Variants in DNAAF4 observed in about 807,000 individuals in gnomAD.
DNAAF4 encodes dynein axonemal assembly factor 4.
A neutral mutation model predicts 51.8 loss-of-function variants in DNAAF4; 43 were observed. The ratio of observed to expected loss-of-function variants is 0.83; its 90% confidence interval spans 0.65 to 1.07. DNAAF4 has a LOEUF of 1.07. DNAAF4 is among the 50% of genes least tolerant of loss of function. DNAAF4 has a pLI of 0.00. For synonymous variants in DNAAF4, 194 were observed against 165.6 expected (o/e 1.17, Z -1.32); for missense variants, 581 against 493.0 (o/e 1.18, Z -1.69).
chr15:55,490,956 G>GAAA, intron 4 of DNAAF4, 167 bp downstream of exon 4: 20 of 607,744 alleles, frequency 3.3e-5, no homozygotes, highest in South Asian at 1.0e-4. Context: ...TCGGTCTCAA[G>GAAA]AAAAAAAAAA....
rs1307848277 is a variant in DNAAF4, at chr15:55,447,035, G to A, written c.783+3187C>T. Among the ~76,000 whole-genome samples the A allele has an allele frequency of 5.2e-4, 76 of 146,670 alleles. 1 individual carries two copies. Among genetic ancestry groups the A allele is most frequent in the East Asian group, 4.1e-4 (2 of 4,848 alleles). On this transcript the variant is annotated intron_variant, in intron 6 of 9. Coordinates refer to ENST00000321149, the MANE Select transcript of DNAAF4 (RefSeq NM_130810.4). ...TCTCCACTTCCCAGACGGGGCAGCC[G>A]GGCAGAGGCGCTCCTCACTTCCCAG...
chr15:55,417,930 T>C, exon 8 of DNAAF4: 1 of 528,482 alleles, frequency 1.9e-6, no homozygotes, highest in Non-Finnish European at 3.3e-6. Context: ...CACAAGGTGC[T>C]CAGTGGGGGA....
At position 55,478,382 on chromosome 15, in the gene DNAAF4, G is replaced by T. The variant is rs78473347; in HGVS notation, c.406-11221C>A. 1.2e-3 allele frequency among the ~76,000 whole-genome samples: 179 copies of T among 152,286 alleles called. 2 individuals are homozygous for T. Among genetic ancestry groups the T allele is most frequent in the Non-Finnish European group, 2.5e-4 (17 of 68,028 alleles). ...ATTTTATGGTTAAAATAGGGGCACT[G>T]CTACAATTTAAGCACTGCCTGGGTG... On this transcript the variant is annotated intron_variant, in intron 4 of 9. Transcript: ENST00000321149.
At chr15:55,436,611 C>T (rs1227972626) in intron 7 of DNAAF4, among the ~76,000 whole-genome samples, 1 of 152,152 alleles carries the variant, frequency 6.6e-6, no homozygotes, top group African/African-American at 2.4e-5. Context: ...TCTCAAACTC[C>T]TGGCCTCAGG....
chr15:55,430,657 C>T lies in DNAAF4; in HGVS notation c.*13G>A. ...AAAAACTTATAACAATACTTAGTTA[C>T]TTCTAATAGTCATTAAGATTTTAGT... On this transcript the variant is annotated 3_prime_UTR_variant, in exon 10 of 10. Transcript: ENST00000321149. 1 of 1,609,438 alleles carries T rather than the reference C, an allele frequency of 6.2e-7. No homozygotes were observed. The highest frequency in any genetic ancestry group is 1.3e-5 in the African/African-American group (1 of 74,894).
chr15:55,463,172 T>A (rs61358227), intron 5 of DNAAF4, among the ~76,000 whole-genome samples: 34,512 of 140,348 alleles, frequency 0.25, 4,895 homozygotes, highest in African/African-American at 0.43. Flanking sequence ...AGACTCTGTC[T>A]CACACACACA....
In DNAAF4 at chr15:55,432,368, A is replaced by G. The variant is rs2057510112; in HGVS notation, c.1153+129T>C. On this transcript the variant is annotated intron_variant, in intron 9 of 9. Coordinates refer to ENST00000321149, the MANE Select transcript of DNAAF4 (RefSeq NM_130810.4). ...TATTGTCAGATATACTGCAGACATT[A>G]CTAAGAATAAATTAAATGCTAAAAA... 5 of 611,202 alleles carry G rather than the reference A, an allele frequency of 8.2e-6. No individual in the cohort carries two copies. The African/African-American group carries it at 9.2e-5, about 11-fold the overall frequency. 37.9% of individuals were successfully genotyped at this position (611,202 alleles called of 1,614,324 possible).
intron 4 of DNAAF4, among the ~76,000 whole-genome samples, chr15:55,475,247 T>C (rs1440604867): frequency 6.6e-6 from 1 of 152,156 alleles, no homozygotes; most frequent in African/African-American, 2.4e-5. Context: ...TGTGGCAACA[T>C]GAAGAGGTTG....
intron 6 of DNAAF4, among the ~76,000 whole-genome samples, chr15:55,447,445 A>G (rs1222189681): frequency 6.6e-6 from 1 of 151,876 alleles, no homozygotes; most frequent in African/African-American, 2.4e-5. Flanking sequence ...TGGAGGTTGT[A>G]GCGAGCCGAG....
downstream of DNAAF4, chr15:55,430,181 A>T (rs1319595327): frequency 5.9e-6 from 1 of 169,156 alleles, no homozygotes; most frequent in Non-Finnish European, 1.2e-5. Flanking sequence ...AACAACAAGC[A>T]TTAGAGAAGT....
intron 4 of DNAAF4, among the ~76,000 whole-genome samples, chr15:55,484,384 C>G (rs2058456489): frequency 6.6e-6 from 1 of 151,286 alleles, no homozygotes. Flanking sequence ...ACTGGGGAGG[C>G]TGAGGCAGGA....
At chr15:55,433,470 C>A (rs1484680550) in intron 8 of DNAAF4, among the ~76,000 whole-genome samples, 1 of 151,284 alleles carries the variant, frequency 6.6e-6, no homozygotes, top group African/African-American at 2.4e-5. Context: ...ACTAAAAATA[C>A]AAAAAATTAG....
intron 3 of DNAAF4, among the ~76,000 whole-genome samples, chr15:55,494,483 C>T (rs2058614244): frequency 6.6e-6 from 1 of 152,056 alleles, no homozygotes; most frequent in Non-Finnish European, 1.5e-5. Context: ...GAGATCTCAG[C>T]TCGCTGCAAC....
At chr15:55,439,344 A>C in intron 7 of DNAAF4, 128 bp downstream of exon 7, 1 of 717,430 alleles carries the variant, frequency 1.4e-6, no homozygotes, top group Non-Finnish European at 2.3e-6. Flanking sequence ...TTCTGGCTTC[A>C]AGTTATCATC....
chr15:55,481,091 G>C (rs999049690), intron 4 of DNAAF4, among the ~76,000 whole-genome samples: 2 of 152,068 alleles, frequency 1.3e-5, no homozygotes, highest in South Asian at 4.1e-4. Flanking sequence ...AGTTTCCTGA[G>C]GCCTCCTTAG....
intron 5 of DNAAF4, among the ~76,000 whole-genome samples, chr15:55,460,714 G>C (rs1340345539): frequency 2.0e-4 from 1 of 5,064 alleles, no homozygotes; most frequent in Non-Finnish European, 0.012. Flanking sequence ...TCAGCACATG[G>C]AACATTCATT....
chr15:55,473,726 C>T (rs1056026774), intron 4 of DNAAF4, among the ~76,000 whole-genome samples: 1 of 152,112 alleles, frequency 6.6e-6, no homozygotes, highest in Non-Finnish European at 1.5e-5. Flanking sequence ...CGCAGTGGCT[C>T]ACACCTGTAA....
chr15:55,443,334 G>T (rs988416613), intron 6 of DNAAF4: 14 of 978,784 alleles, frequency 1.4e-5, no homozygotes, highest in Non-Finnish European at 2.0e-5. Flanking sequence ...GCGTGCGGAG[G>T]CGCCTGGCGC....
At chr15:55,483,851 T>A (rs1375378498) in intron 4 of DNAAF4, among the ~76,000 whole-genome samples, 14 of 76,378 alleles carry the variant, frequency 1.8e-4, no homozygotes, top group Admixed American at 3.9e-4. Context: ...TTTTTTTTTT[T>A]TTTTTTTTTT....
Sources: gnomAD v4.1 joint callset for allele counts (sites outside exome capture counted in the v4.1 genomes callset) on GRCh38, gnomAD v4.1.1 for gene constraint, MANE v1.5 for transcripts, NCBI Gene and HGNC (gene_info 2026-07-23, HGNC 2026-07-21) for gene names.